The following CNIH3 variants were observed in gnomAD, a reference collection of about 807,000 sequenced individuals.
CNIH3 encodes cornichon family AMPA receptor auxiliary protein 3.
Under a neutral mutation model 24.1 loss-of-function variants are expected in CNIH3, and 14 were observed. That is an observed-to-expected ratio of 0.58 (90% CI 0.38 to 0.91). CNIH3 has a LOEUF of 0.91. Among genes scored for constraint, CNIH3 ranks in the 40% least tolerant of loss-of-function variants. The probability of loss-of-function intolerance (pLI) is 0.00; values close to 1 mark genes in which losing one functional copy is unlikely to be tolerated. For missense variants in CNIH3, 178 were observed against 196.8 expected, an observed-to-expected ratio of 0.90 and a Z score of 0.57; for synonymous variants, 68 against 73.8, an observed-to-expected ratio of 0.92 and a Z score of 0.40.
intron 3 of CNIH3, among the ~76,000 whole-genome samples, chr1:224,600,233 A>G (rs947195576): frequency 6.9e-6 from 1 of 145,978 alleles, no homozygotes; most frequent in African/African-American, 2.6e-5. Context: ...CTTGTTGCCC[A>G]GGCTGGAATG....
At chr1:224,495,905 C>G (rs1166708762) in intron 1 of CNIH3, among the ~76,000 whole-genome samples, 2 of 152,138 alleles carry the variant, frequency 1.3e-5, no homozygotes, top group African/African-American at 4.8e-5. Flanking sequence ...CCTGTGAACA[C>G]AGTGAGACCC....
intron 3 of CNIH3, among the ~76,000 whole-genome samples, chr1:224,608,593 A>G (rs2125049040): frequency 6.6e-6 from 1 of 152,390 alleles, no homozygotes; most frequent in South Asian, 2.1e-4. Flanking sequence ...TATAGATAAC[A>G]TAACTGGTTA....
At chr1:224,555,324 A>G (rs1680092040) in intron 3 of CNIH3, among the ~76,000 whole-genome samples, 1 of 152,206 alleles carries the variant, frequency 6.6e-6, no homozygotes, top group Non-Finnish European at 1.5e-5. Flanking sequence ...AATCACCCAC[A>G]TCTCAGACAT....
At chr1:224,632,600 A>G (rs1480296625) in intron 1 of CNIH3, among the ~76,000 whole-genome samples, 2 of 152,016 alleles carry the variant, frequency 1.3e-5, no homozygotes, top group African/African-American at 4.8e-5. Flanking sequence ...GGGACGCAAT[A>G]TGTGAGAGCG....
At chr1:224,552,986 G>A (rs748124743) in intron 3 of CNIH3, among the ~76,000 whole-genome samples, 12 of 149,252 alleles carry the variant, frequency 8.0e-5, no homozygotes, top group Non-Finnish European at 1.8e-4. Flanking sequence ...GTACACACAA[G>A]GTGTACACCT....
intron 1 of CNIH3, among the ~76,000 whole-genome samples, chr1:224,634,987 G>GT (rs1420728747): frequency 6.6e-6 from 1 of 152,192 alleles, no homozygotes; most frequent in Non-Finnish European, 1.5e-5. Context: ...CACAAGGGGT[G>GT]TGTTAGTTCA....
At chr1:224,658,656 A>G (rs1685207535) in intron 1 of CNIH3, among the ~76,000 whole-genome samples, 1 of 151,088 alleles carries the variant, frequency 6.6e-6, no homozygotes, top group South Asian at 2.1e-4. Context: ...TAGGAAATCC[A>G]CTTTCCCAGA....
chr1:224,549,359 A>G (rs1679825670), intron 3 of CNIH3, among the ~76,000 whole-genome samples: 1 of 152,110 alleles, frequency 6.6e-6, no homozygotes, highest in Non-Finnish European at 1.5e-5. Flanking sequence ...GAAATAGCAG[A>G]CGGATTCTAT....
chr1:224,636,047 C>T (rs1684074105), intron 1 of CNIH3, among the ~76,000 whole-genome samples: 1 of 152,090 alleles, frequency 6.6e-6, no homozygotes, highest in Admixed American at 6.5e-5. Context: ...TTTAAGAAAA[C>T]AAAAATCAAC....
At chr1:224,700,372 T>A (rs1371360254) in intron 3 of CNIH3, among the ~76,000 whole-genome samples, 1 of 152,190 alleles carries the variant, frequency 6.6e-6, no homozygotes, top group Admixed American at 6.5e-5. Context: ...CTTCCACGTA[T>A]AAAATTTGGG....
chr1:224,568,696 G>A (rs1431450311), intron 4 of CNIH3, among the ~76,000 whole-genome samples: 5 of 152,062 alleles, frequency 3.3e-5, no homozygotes, highest in African/African-American at 1.2e-4. Flanking sequence ...TGGGGCCGTA[G>A]TGAACCTTGA....
chr1:224,655,459 A>G (rs1685053712), intron 1 of CNIH3, among the ~76,000 whole-genome samples: 1 of 152,122 alleles, frequency 6.6e-6, no homozygotes, highest in African/African-American at 2.4e-5. Flanking sequence ...TTTGGGCTGA[A>G]GGAAAATGGA....
chr1:224,479,450 G>A (rs1000461218), intron 1 of CNIH3, among the ~76,000 whole-genome samples: 3 of 151,212 alleles, frequency 2.0e-5, no homozygotes, highest in Admixed American at 1.3e-4. Context: ...CACTGCGCCC[G>A]GCAGTCCCCC....
At chr1:224,724,953 G>A (rs1475612478) in intron 3 of CNIH3, among the ~76,000 whole-genome samples, 1 of 152,170 alleles carries the variant, frequency 6.6e-6, no homozygotes, top group Non-Finnish European at 1.5e-5. Context: ...GCTCATGCCT[G>A]CAATCCCAGC....
Position 224,458,861 on chromosome 1 carries a change from T to C in CNIH3, n.203+23999T>C, listed in dbSNP as rs565769312. Among the ~76,000 whole-genome samples, 1 of 152,324 alleles carries C rather than the reference T, an allele frequency of 6.6e-6. No individual in the cohort carries two copies. Among genetic ancestry groups the C allele is most frequent in the South Asian group, 2.1e-4 (1 of 4,826 alleles). On this transcript the variant is annotated intron_variant and non_coding_transcript_variant, in intron 1 of 5. Coordinates refer to the CNIH3 transcript ENST00000471578. This position sits in a 1 kb window ranked among gnomAD's most constrained non-coding sequence, Gnocchi z 4.3. ...TTTGGTCCACAGTTAGGAGAGGCCC[T>C]GCTTGCACTTCTAATACAGTCCCGG...
intron 1 of CNIH3, among the ~76,000 whole-genome samples, chr1:224,488,794 A>G (rs1179765141): frequency 6.6e-6 from 1 of 151,854 alleles, no homozygotes; most frequent in Non-Finnish European, 1.5e-5. Context: ...TAAATTTTAG[A>G]TGTGTTTTTC....
At chr1:224,491,228 C>A (rs992204916) in intron 1 of CNIH3, among the ~76,000 whole-genome samples, 1 of 152,180 alleles carries the variant, frequency 6.6e-6, no homozygotes, top group Admixed American at 6.5e-5. Flanking sequence ...TATGAGGTTT[C>A]GTTTGTCTGA....
rs75334845 is a variant in CNIH3, at chr1:224,652,872, C to A, written c.82-28086C>A. On this transcript the variant is annotated intron_variant, in intron 1 of 5. Coordinates refer to ENST00000272133, the MANE Select transcript of CNIH3 (RefSeq NM_152495.2). ...CGTGGGCTTCTTCTCTCTGCCTAAG[C>A]CCACATGTGAGGGTCTCAGCAGCTC... is the stretch of plus-strand genomic sequence containing the variant. Among the ~76,000 whole-genome samples, 428 of 152,246 alleles carry A rather than the reference C, an allele frequency of 2.8e-3. 8 individuals are homozygous for A. The East Asian group carries it at 0.029, about 10-fold the overall frequency.
At chr1:224,538,014 G>A (rs1397981790), downstream of CNIH3, among the ~76,000 whole-genome samples, 1 of 151,558 alleles carries the variant, frequency 6.6e-6, no homozygotes, top group African/African-American at 2.4e-5. Context: ...GTAATGGCGC[G>A]ATCTTGGCTC....
Sources: allele counts gnomAD v4.1 joint callset (sites outside exome capture counted in the v4.1 genomes callset), GRCh38; gene constraint gnomAD v4.1.1; non-coding constraint Gnocchi (gnomAD v3.1); transcripts MANE v1.5; gene names NCBI Gene and HGNC (gene_info 2026-07-23, HGNC 2026-07-21).